The following PAICS variants were observed in gnomAD, a reference collection of about 807,000 sequenced individuals.
PAICS encodes bifunctional phosphoribosylaminoimidazole carboxylase/phosphoribosylaminoimidazole succinocarboxamide synthetase.
In PAICS, 33 loss-of-function variants were observed where a neutral mutation model predicts 53.7. The ratio of observed to expected loss-of-function variants is 0.61; its 90% CI spans 0.47 to 0.82. The LOEUF (loss-of-function observed/expected upper bound fraction) is 0.82, where lower values mean the gene tolerates loss of function less well. Ranked by LOEUF, PAICS falls within the 40% of genes least tolerant of loss-of-function variation. PAICS has a pLI of 0.00. For synonymous variants in PAICS, 141 were observed against 167.2 expected (o/e 0.84, Z 1.21); for missense variants, 394 against 494.1 (o/e 0.80, Z 1.92).
upstream of PAICS, chr4:56,435,574 C>T (rs1200908207): frequency 2.6e-5 from 42 of 1,587,818 alleles, no homozygotes; most frequent in Non-Finnish European, 3.4e-5. Flanking sequence ...GAAGCTCGCG[C>T]TCGCGACAGG....
chr4:56,448,097 T>G (rs1718707225), intron 3 of PAICS, among the ~76,000 whole-genome samples: 1 of 140,262 alleles, frequency 7.1e-6, no homozygotes, highest in Non-Finnish European at 1.5e-5. Flanking sequence ...AACCTCCACC[T>G]CCCGGGTTTA....
At chr4:56,457,684 A>T (rs75040417) in intron 8 of PAICS, among the ~76,000 whole-genome samples, 11,573 of 129,776 alleles carry the variant, frequency 0.089, 590 homozygotes, top group East Asian at 0.28. Context: ...TTTTTTTTTT[A>T]AATGGAGTTT....
At chr4:56,442,503 G>A (rs1718392976) in intron 2 of PAICS, among the ~76,000 whole-genome samples, 1 of 152,112 alleles carries the variant, frequency 6.6e-6, no homozygotes, top group Admixed American at 6.6e-5. Context: ...TAGGATAAAG[G>A]GGTTTTCTGC....
intron 8 of PAICS, among the ~76,000 whole-genome samples, chr4:56,457,671 T>G (rs1029906298): frequency 1.3e-5 from 2 of 151,108 alleles, no homozygotes; most frequent in South Asian, 2.1e-4. Context: ...AGTTTTTTTT[T>G]TTTTTTTTTT....
At chr4:56,420,564 A>G in the PAICS span, 1 of 152,248 alleles carries the variant, frequency 6.6e-6, no homozygotes, top group Non-Finnish European at 1.5e-5. Context: ...GAATAGAAAC[A>G]GTACAGTTAT....
chr4:56,458,537 A>T (rs1229531380), intron 8 of PAICS, among the ~76,000 whole-genome samples: 1 of 152,216 alleles, frequency 6.6e-6, no homozygotes, highest in East Asian at 1.9e-4. Flanking sequence ...AGAATAAATT[A>T]ACGTGAAGTA....
chr4:56,419,424 A>G, the PAICS span, among the ~76,000 whole-genome samples: 7 of 152,338 alleles, frequency 4.6e-5, no homozygotes, highest in African/African-American at 1.7e-4. Context: ...TAAAGCCAGT[A>G]ACCGGCATAA....
intron 8 of PAICS, among the ~76,000 whole-genome samples, chr4:56,456,761 T>A (rs909203430): frequency 1.3e-5 from 2 of 151,666 alleles, no homozygotes; most frequent in Admixed American, 6.6e-5. Flanking sequence ...TTTTGTTTTC[T>A]GGGTTTTTGT....
At chr4:56,433,455 A>T (rs777323486), upstream of PAICS, among the ~76,000 whole-genome samples, 41 of 151,586 alleles carry the variant, frequency 2.7e-4, no homozygotes, top group Non-Finnish European at 4.9e-4. Flanking sequence ...TATTTTCCTA[A>T]ACTGGGTACT....
chr4:56,459,352 T>C lies in PAICS; in HGVS notation c.1112-20T>C, dbSNP rs772064224. ...ACTAATTGAGCTCAATTTTCTGTCT[T>C]TTCCTTGCTGAACCAATAGGTCTTG... On this transcript the variant is annotated intron_variant, in intron 8 of 8. Coordinates refer to ENST00000512576, the MANE Select transcript of PAICS (RefSeq NM_001079524.2). The C allele has an allele frequency of 7.3e-6, 11 of 1,514,588 alleles. No individual in the cohort carries two copies. In the African/African-American group the frequency reaches 1.5e-4, roughly 21 times the overall value. The allele number at this position is 1,514,588 out of a possible 1,614,324, so 93.8% of individuals were successfully genotyped here.
intron 8 of PAICS, among the ~76,000 whole-genome samples, chr4:56,457,400 C>T (rs1560665806): frequency 6.6e-6 from 1 of 151,942 alleles, no homozygotes; most frequent in Admixed American, 6.6e-5. Flanking sequence ...AGAGCGAGAC[C>T]GTGTCTCAGA....
chr4:56,419,802 A>C, the PAICS span: 12 of 984,944 alleles, frequency 1.2e-5, no homozygotes, highest in Non-Finnish European at 1.4e-5. Context: ...AATTGCAGCC[A>C]AGCTTCAGAA....
the PAICS span, among the ~76,000 whole-genome samples, chr4:56,414,595 T>C: frequency 6.6e-6 from 1 of 152,234 alleles, no homozygotes; most frequent in African/African-American, 2.4e-5. Context: ...AGTTTTAGGA[T>C]TCATGCTGTG....
rs776778500 is a variant in PAICS, at chr4:56,446,940, C to CTAAA, written c.393+68_393+71dup. Reference sequence around the variant, plus strand: ...GGCAATAAATTTATAATTAGAAACTCTAAAGGTTTAAATATTCAAGCAAAG... The same window carrying CTAAA: ...GGCAATAAATTTATAATTAGAAACTCTAAATAAAGGTTTAAATATTCAAGCAAAG... On this transcript the variant is annotated intron_variant, in intron 3 of 8. Transcript: ENST00000512576. The CTAAA allele has an allele frequency of 8.0e-6, 8 of 997,294 alleles. No individual in the cohort carries two copies. The South Asian group carries it at 2.0e-4, about 26-fold the overall frequency. The allele number at this position is 997,294 out of a possible 1,614,324, so 61.8% of individuals were successfully genotyped here.
the PAICS span, chr4:56,422,816 T>C: frequency 1.3e-5 from 2 of 152,172 alleles, no homozygotes; most frequent in Non-Finnish European, 2.9e-5. Context: ...AAATAATTAA[T>C]GGAAGCAATG....
At chr4:56,450,314 T>C (rs1341627017) in intron 5 of PAICS, among the ~76,000 whole-genome samples, 1 of 152,142 alleles carries the variant, frequency 6.6e-6, no homozygotes, top group Non-Finnish European at 1.5e-5. Context: ...ATTCTGCACA[T>C]GTATTTAAAA....
chr4:56,426,597 T>C, the PAICS span, among the ~76,000 whole-genome samples: 2 of 152,222 alleles, frequency 1.3e-5, no homozygotes, highest in Non-Finnish European at 1.5e-5. Flanking sequence ...GTAGCATATA[T>C]CAGTATTTCA....
chr4:56,452,588 T>G (rs1469638393), intron 7 of PAICS, among the ~76,000 whole-genome samples: 1 of 152,088 alleles, frequency 6.6e-6, no homozygotes, highest in Non-Finnish European at 1.5e-5. Flanking sequence ...AAACAAAGAC[T>G]AGAATGATGA....
chr4:56,461,275 T>C lies in PAICS; in HGVS notation c.*1737T>C, dbSNP rs2110104438. The C allele has an allele frequency of 6.6e-6, 1 of 152,346 alleles. No homozygotes were observed. The highest frequency in any genetic ancestry group is 1.5e-5 in the Non-Finnish European group (1 of 68,030). 9.4% of individuals were successfully genotyped at this position (152,346 alleles called of 1,614,324 possible). ...GCTATGCTTAGCTATCTGTCAGAGATTAGTAAATTATAAAACTCATGTGTA... is the reference window on the plus strand; with the variant it reads ...GCTATGCTTAGCTATCTGTCAGAGACTAGTAAATTATAAAACTCATGTGTA... On this transcript the variant is annotated 3_prime_UTR_variant, in exon 9 of 9. Transcript: ENST00000512576.
Sources: allele counts gnomAD v4.1 joint callset (sites outside exome capture counted in the v4.1 genomes callset), GRCh38; gene constraint gnomAD v4.1.1; transcripts MANE v1.5; gene names NCBI Gene and HGNC (gene_info 2026-07-23, HGNC 2026-07-21).